The following KLRG1 variants were observed in gnomAD, a reference collection of about 807,000 sequenced individuals.
KLRG1 encodes killer cell lectin-like receptor subfamily G member 1.
A neutral mutation model predicts 21.8 loss-of-function variants in KLRG1; 16 were observed. That is an observed-to-expected ratio of 0.73 (90% CI 0.50 to 1.11). The LOEUF (loss-of-function observed/expected upper bound fraction) is 1.11. Ranked by LOEUF, KLRG1 falls within the 50% of genes most tolerant of loss-of-function variation. The probability of loss-of-function intolerance (pLI) is 0.00; values close to 1 mark genes in which losing one functional copy is unlikely to be tolerated. For synonymous variants in KLRG1, 69 were observed against 75.9 expected, an observed-to-expected ratio of 0.91 and a Z score of 0.47; for missense variants, 173 against 218.3, an observed-to-expected ratio of 0.79 and a Z score of 1.31.
intron 2 of KLRG1, 50 bp downstream of exon 2, chr12:8,992,360 G>A (rs768364897): frequency 2.3e-6 from 3 of 1,307,952 alleles, no homozygotes; most frequent in Non-Finnish European, 3.2e-6. Context: ...TATTATAAAA[G>A]CAATATAACA....
chr12:9,178,478 G>A, the KLRG1 span, among the ~76,000 whole-genome samples: 347 of 152,260 alleles, frequency 2.3e-3, 4 homozygotes, highest in Non-Finnish European at 3.6e-3. Flanking sequence ...AAGAGAAGCC[G>A]TAAAGTGCTT....
At chr12:9,192,109 C>T in the KLRG1 span, 16 of 1,189,014 alleles carry the variant, frequency 1.3e-5, no homozygotes, top group East Asian at 2.4e-5. Flanking sequence ...ATGATGGAAA[C>T]GATTTCCCAT....
intron 1 of KLRG1, among the ~76,000 whole-genome samples, chr12:8,963,207 A>G (rs1284327791): frequency 2.0e-5 from 3 of 152,184 alleles, no homozygotes; most frequent in Non-Finnish European, 4.4e-5. Flanking sequence ...GGCAAACTCA[A>G]TTTTTTTAAC....
At chr12:9,193,306 G>A in the KLRG1 span, among the ~76,000 whole-genome samples, 261 of 152,086 alleles carry the variant, frequency 1.7e-3, no homozygotes, top group Non-Finnish European at 3.1e-3. Flanking sequence ...TTTCTTCAAA[G>A]TGCACTTATT....
the KLRG1 span, among the ~76,000 whole-genome samples, chr12:9,060,362 G>A: frequency 1.3e-5 from 2 of 152,144 alleles, no homozygotes. Context: ...AACTATTCCT[G>A]TGTCCTTAGT....
chr12:9,085,170 A>G, the KLRG1 span, among the ~76,000 whole-genome samples: 2 of 152,132 alleles, frequency 1.3e-5, no homozygotes, highest in African/African-American at 4.8e-5. Flanking sequence ...AACACTTTAG[A>G]TCAAATAGAC....
the KLRG1 span, among the ~76,000 whole-genome samples, chr12:9,119,763 G>A: frequency 1.4e-4 from 22 of 152,178 alleles, no homozygotes; most frequent in Non-Finnish European, 2.4e-4. Flanking sequence ...GATGTATTAA[G>A]AATGTGGGTG....
chr12:9,084,483 CA>C, the KLRG1 span, among the ~76,000 whole-genome samples: 1 of 152,056 alleles, frequency 6.6e-6, no homozygotes, highest in Non-Finnish European at 1.5e-5. Context: ...AAGTTGTTAT[CA>C]GCTTGAAATT....
chr12:9,131,659 G>A, the KLRG1 span, among the ~76,000 whole-genome samples: 1 of 151,806 alleles, frequency 6.6e-6, no homozygotes, highest in African/African-American at 2.4e-5. Context: ...CACGCACTGT[G>A]TACAGGTGTT....
At chr12:9,009,315 T>C in intron 4 of KLRG1, 111 bp from the exon 5 acceptor site, 1 of 1,345,368 alleles carries the variant, frequency 7.4e-7, no homozygotes, top group South Asian at 1.4e-5. Context: ...TTGGGGGAAT[T>C]AGGGGCCTGA....
At chr12:9,018,679 TAAA>T in the KLRG1 span, among the ~76,000 whole-genome samples, 4 of 123,368 alleles carry the variant, frequency 3.2e-5, no homozygotes, top group Admixed American at 8.7e-5. Context: ...CATCTCTATT[TAAA>T]AAAAAAAAAA....
the KLRG1 span, among the ~76,000 whole-genome samples, chr12:9,033,787 G>T: frequency 6.6e-6 from 1 of 152,318 alleles, no homozygotes; most frequent in East Asian, 1.9e-4. Context: ...TCACTATTTG[G>T]TGAGTGGGTA....
the KLRG1 span, chr12:9,157,812 G>A: frequency 4.2e-5 from 68 of 1,613,922 alleles, no homozygotes; most frequent in Admixed American, 3.7e-4. Context: ...TAACATAGGC[G>A]GAGAGGGTCG....
downstream of KLRG1, among the ~76,000 whole-genome samples, chr12:9,013,540 A>G (rs1292369125): frequency 1.3e-5 from 2 of 152,194 alleles, no homozygotes; most frequent in African/African-American, 2.4e-5. Context: ...TTACTAAAAA[A>G]AAAGAGGTTT....
In KLRG1 at chr12:9,010,186, TAAA is replaced by T. The variant is rs35591560; in HGVS notation, c.*662_*664del. ...GGGAGATAGAGCAAGACTCCATCTC[TAAA>T]AAAAAAAAAAAATGCTAATGTGAGA... On this transcript the variant is annotated 3_prime_UTR_variant, in exon 5 of 5. Coordinates refer to ENST00000356986, the MANE Select transcript of KLRG1 (RefSeq NM_005810.4). 643 of 419,652 alleles carry T rather than the reference TAAA, an allele frequency of 1.5e-3. No homozygotes were observed. Among genetic ancestry groups the T allele is most frequent in the South Asian group, 1.8e-3 (40 of 22,104 alleles). 26.0% of individuals were successfully genotyped at this position (419,652 alleles called of 1,614,324 possible). A position where few individuals can be genotyped will look rare whatever the true frequency, so the allele number is the denominator to read the frequency against.
At chr12:9,135,097 G>T in the KLRG1 span, 1 of 210,750 alleles carries the variant, frequency 4.7e-6, no homozygotes, top group Admixed American at 5.1e-5. Context: ...GCCACCACCA[G>T]GGTAGGCGAG....
chr12:8,977,779 C>T (rs1035717197), intron 1 of KLRG1, among the ~76,000 whole-genome samples: 1 of 151,988 alleles, frequency 6.6e-6, no homozygotes, highest in African/African-American at 2.4e-5. Context: ...TTAAAATAAT[C>T]TATTTTGAGT....
At chr12:9,104,559 G>A in the KLRG1 span, among the ~76,000 whole-genome samples, 4 of 152,040 alleles carry the variant, frequency 2.6e-5, no homozygotes, top group Admixed American at 6.6e-5. Flanking sequence ...CCATCACAGA[G>A]CTTACTGTCT....
the KLRG1 span, among the ~76,000 whole-genome samples, chr12:9,197,772 C>T: frequency 6.3e-5 from 5 of 79,888 alleles, no homozygotes; most frequent in South Asian, 1.8e-3. Context: ...ATATATTATA[C>T]AATACATAAT....
Sources: allele counts gnomAD v4.1 joint callset (sites outside exome capture counted in the v4.1 genomes callset), GRCh38; gene constraint gnomAD v4.1.1; transcripts MANE v1.5; gene names NCBI Gene and HGNC (gene_info 2026-07-23, HGNC 2026-07-21).